Variants in EYA4 observed in about 807,000 individuals in gnomAD.
EYA4 encodes protein phosphatase EYA4.
Under a neutral mutation model 87.9 loss-of-function variants are expected in EYA4, and 31 were observed. That is an observed-to-expected ratio of 0.35 (90% confidence interval 0.27 to 0.48). The LOEUF (loss-of-function observed/expected upper bound fraction) is 0.48. EYA4 is among the 20% of genes least tolerant of loss of function. The pLI, the probability that EYA4 is intolerant of heterozygous loss-of-function variation, is 0.99. For missense variants in EYA4, 678 were observed against 761.4 expected (o/e 0.89, Z 1.29); for synonymous variants, 263 against 270.6 (o/e 0.97, Z 0.28).
chr6:133,279,762 C>G (rs774011622), intron 2 of EYA4, among the ~76,000 whole-genome samples: 5 of 152,062 alleles, frequency 3.3e-5, no homozygotes, highest in Non-Finnish European at 7.4e-5. Context: ...TGATTATAGC[C>G]ACTAGCCCAT....
At chr6:133,321,677 G>A (rs1001429331) in intron 2 of EYA4, among the ~76,000 whole-genome samples, 3 of 152,302 alleles carry the variant, frequency 2.0e-5, no homozygotes, top group African/African-American at 7.2e-5. Flanking sequence ...ATGTATTTCT[G>A]TGTGTTTTGG....
chr6:133,378,011 T>G (rs1388812108), intron 2 of EYA4, among the ~76,000 whole-genome samples: 1 of 151,914 alleles, frequency 6.6e-6, no homozygotes, highest in African/African-American at 2.4e-5. Flanking sequence ...GAGGAAATTT[T>G]TGGAAGTGAT....
rs142020137 is a variant in EYA4 at position 133,273,097 on chromosome 6, G to GTGTATATATATATATATATATATATATA, written c.-65-1618_-65-1617insGTATATATATATATATATATATATATAT. On this transcript the variant is annotated intron_variant, in intron 1 of 19. Coordinates refer to ENST00000355286, the MANE Select transcript of EYA4 (RefSeq NM_004100.5). Reference sequence around the variant, plus strand: ...CAGAACTAATAGGAGATATATATATGTATATATATATATATATATAAAGGG... The same window carrying GTGTATATATATATATATATATATATATA: ...CAGAACTAATAGGAGATATATATATGTGTATATATATATATATATATATATATATATATATATATATATATATAAAGGG... 1.4e-3 allele frequency among the ~76,000 whole-genome samples: 152 copies of GTGTATATATATATATATATATATATATA among 106,622 alleles called. 3 individuals carry two copies. Among genetic ancestry groups the GTGTATATATATATATATATATATATATA allele is most frequent in the East Asian group, 0.011 (27 of 2,366 alleles). 69.9% of individuals were successfully genotyped at this position (106,622 alleles called of 152,430 possible).
intron 3 of EYA4, among the ~76,000 whole-genome samples, chr6:133,414,153 A>G (rs1329688838): frequency 6.6e-6 from 1 of 152,082 alleles, no homozygotes; most frequent in Non-Finnish European, 1.5e-5. Context: ...TAAGACCCCC[A>G]TGGTGTGGTG....
intron 3 of EYA4, among the ~76,000 whole-genome samples, chr6:133,413,444 G>A (rs546975888): frequency 1.6e-4 from 22 of 138,472 alleles, no homozygotes; most frequent in Non-Finnish European, 2.3e-4. Flanking sequence ...TTTTTTTTTG[G>A]GCCTTTACTT....
chr6:133,298,769 A>G (rs888611626), intron 2 of EYA4, among the ~76,000 whole-genome samples: 1 of 152,224 alleles, frequency 6.6e-6, no homozygotes, highest in African/African-American at 2.4e-5. Context: ...TGCTAAAAAT[A>G]TGAGGTCGGA....
In EYA4 at chr6:133,468,657, C is replaced by G. The variant is rs1795055579; in HGVS notation, c.896C>G (p.Thr299Arg). ...GGAGCGTATATGACATCGAATAACA[C>G]AGCCGATGGCACACCCTCTTCAACC... ...TYGAYMTSNN[T>R]ADGTPSSTST... Residue 299 changes from threonine to arginine, a missense_variant, in exon 11 of 20, where the codon ACA becomes AGA. Coordinates refer to ENST00000355286, the MANE Select transcript of EYA4 (RefSeq NM_004100.5). The G allele has an allele frequency of 6.2e-7, 1 of 1,612,670 alleles. No individual in the cohort carries two copies.
chr6:133,284,531 T>C (rs1037447502), intron 2 of EYA4, among the ~76,000 whole-genome samples: 17 of 152,192 alleles, frequency 1.1e-4, no homozygotes, highest in African/African-American at 3.4e-4. Context: ...GGAAATTAAA[T>C]GATAGTTCAG....
chr6:133,310,061 C>A (rs1310784126), intron 2 of EYA4, among the ~76,000 whole-genome samples: 2 of 152,136 alleles, frequency 1.3e-5, no homozygotes, highest in East Asian at 3.8e-4. Context: ...GGTATTCACA[C>A]CAGTGGCCTC....
intron 12 of EYA4, 126 bp from the exon 13 acceptor site, chr6:133,482,906 G>C: frequency 1.3e-6 from 1 of 789,930 alleles, no homozygotes; most frequent in Non-Finnish European, 2.0e-6. Flanking sequence ...ACAAAAAAAT[G>C]AATAGTATTA....
chr6:133,254,994 G>A (rs974625241), intron 1 of EYA4, among the ~76,000 whole-genome samples: 2 of 152,160 alleles, frequency 1.3e-5, no homozygotes, highest in South Asian at 4.1e-4. Flanking sequence ...ACTCATCAGC[G>A]ATGTGACTTT....
intron 2 of EYA4, among the ~76,000 whole-genome samples, chr6:133,329,217 A>T (rs563214550): frequency 6.6e-6 from 1 of 152,124 alleles, no homozygotes; most frequent in East Asian, 1.9e-4. Flanking sequence ...ATTTTTCTGA[A>T]CTTATTTTTT....
intron 3 of EYA4, among the ~76,000 whole-genome samples, chr6:133,418,167 A>G (rs1283624625): frequency 1.3e-5 from 2 of 150,898 alleles, no homozygotes; most frequent in African/African-American, 4.8e-5. Context: ...GCTGGAGGAG[A>G]GCCATATACA....
intron 2 of EYA4, among the ~76,000 whole-genome samples, chr6:133,299,884 C>T (rs1779242509): frequency 1.3e-5 from 2 of 150,436 alleles, no homozygotes; most frequent in Non-Finnish European, 3.0e-5. Flanking sequence ...TATATATATA[C>T]ACACACACTT....
intron 3 of EYA4, among the ~76,000 whole-genome samples, chr6:133,395,491 G>A (rs540824526): frequency 6.3e-4 from 96 of 152,282 alleles, no homozygotes; most frequent in African/African-American, 2.3e-3. Context: ...GGGCTGTGGT[G>A]GCTCCCGCCT....
chr6:133,251,846 T>G (rs1489394463), intron 1 of EYA4, among the ~76,000 whole-genome samples: 1 of 152,228 alleles, frequency 6.6e-6, no homozygotes, highest in African/African-American at 2.4e-5. Flanking sequence ...CCCAGGGCTC[T>G]GCATAAGAGG....
At chr6:133,480,814 C>G (rs1342386796) in intron 11 of EYA4, among the ~76,000 whole-genome samples, 1 of 151,588 alleles carries the variant, frequency 6.6e-6, no homozygotes, top group African/African-American at 2.4e-5. Context: ...TGTCATATAG[C>G]ACTAGTATGC....
chr6:133,401,347 G>C (rs955101941), intron 3 of EYA4, among the ~76,000 whole-genome samples: 1 of 151,300 alleles, frequency 6.6e-6, no homozygotes, highest in African/African-American at 2.4e-5. Flanking sequence ...AGTAGGGTGA[G>C]TATAGTTAAT....
chr6:133,339,738 G>A lies in EYA4; in HGVS notation c.34-42654G>A, dbSNP rs551152333. 3.3e-5 allele frequency among the ~76,000 whole-genome samples: 5 copies of A among 152,230 alleles called. No homozygotes were observed. The South Asian group carries it at 1.0e-3, about 32-fold the overall frequency. On this transcript the variant is annotated intron_variant, in intron 2 of 19. Transcript: ENST00000355286. ...GAAGAGAAAACATTGTATTTAGAGA[G>A]GGACTATTAAGAGTTCTAACTTGGT...
Sources: allele counts gnomAD v4.1 joint callset (sites outside exome capture counted in the v4.1 genomes callset), GRCh38; gene constraint gnomAD v4.1.1; transcripts MANE v1.5; gene names NCBI Gene and HGNC (gene_info 2026-07-23, HGNC 2026-07-21).